Variants in PDLIM5 observed in about 807,000 individuals in gnomAD.
PDLIM5 encodes the protein PDZ and LIM domain protein 5.
A neutral mutation model predicts 64.2 loss-of-function variants in PDLIM5; 34 were observed. The ratio of observed to expected loss-of-function variants is 0.53; its 90% confidence interval spans 0.40 to 0.71. The LOEUF is 0.71. PDLIM5 is among the 30% of genes least tolerant of loss of function. The probability of loss-of-function intolerance (pLI) is 0.00; values close to 1 mark genes in which losing one functional copy is unlikely to be tolerated. For synonymous variants in PDLIM5, 253 were observed against 269.1 expected (o/e 0.94, Z 0.59); for missense variants, 683 against 733.6 (o/e 0.93, Z 0.80).
chr4:94,515,526 A>C (rs1265812456), intron 2 of PDLIM5, among the ~76,000 whole-genome samples: 1 of 152,164 alleles, frequency 6.6e-6, no homozygotes, highest in East Asian at 1.9e-4. Flanking sequence ...CTGTCGTAGA[A>C]GTATGCTGGC....
intron 8 of PDLIM5, among the ~76,000 whole-genome samples, chr4:94,639,223 G>A (rs1349858235): frequency 2.6e-5 from 4 of 152,182 alleles, no homozygotes; most frequent in African/African-American, 9.7e-5. Flanking sequence ...AGCATAAAGT[G>A]AAAGGCAAAG....
intron 9 of PDLIM5, among the ~76,000 whole-genome samples, chr4:94,646,567 A>G (rs1382717396): frequency 6.6e-6 from 1 of 152,236 alleles, no homozygotes; most frequent in African/African-American, 2.4e-5. Context: ...TCAACAACCA[A>G]ATTAATATGG....
At chr4:94,578,992 TAAAC>T (rs1426570823) in intron 5 of PDLIM5, among the ~76,000 whole-genome samples, 4 of 152,048 alleles carry the variant, frequency 2.6e-5, no homozygotes, top group Non-Finnish European at 5.9e-5. Context: ...ATAGCATTGA[TAAAC>T]AGACATAAAC....
At chr4:94,610,202 G>C (rs1341100161) in intron 7 of PDLIM5, 2 of 1,525,196 alleles carry the variant, frequency 1.3e-6, no homozygotes, top group African/African-American at 2.7e-5. Context: ...TCTTTCGAAG[G>C]TTTTCGAAAC....
At chr4:94,490,055 A>T (rs1185689981) in intron 2 of PDLIM5, among the ~76,000 whole-genome samples, 2 of 151,906 alleles carry the variant, frequency 1.3e-5, no homozygotes, top group Non-Finnish European at 2.9e-5. Flanking sequence ...TTTTAAATGA[A>T]TGTTTTTGTG....
chr4:94,592,903 C>T (rs1321220605), intron 7 of PDLIM5, among the ~76,000 whole-genome samples: 2 of 152,124 alleles, frequency 1.3e-5, no homozygotes, highest in African/African-American at 2.4e-5. Flanking sequence ...TGAGCCATTG[C>T]GTCTGGCCTA....
At chr4:94,602,189 G>A (rs950173615) in intron 7 of PDLIM5, among the ~76,000 whole-genome samples, 7 of 152,088 alleles carry the variant, frequency 4.6e-5, no homozygotes, top group South Asian at 2.1e-4. Flanking sequence ...AAAACTCGTC[G>A]TGTGGGTATG....
At chr4:94,551,648 T>C (rs1732818102) in intron 3 of PDLIM5, among the ~76,000 whole-genome samples, 1 of 152,138 alleles carries the variant, frequency 6.6e-6, no homozygotes, top group Non-Finnish European at 1.5e-5. Flanking sequence ...TTTATTCAGC[T>C]AAGTAGTATT....
intron 3 of PDLIM5, among the ~76,000 whole-genome samples, chr4:94,526,300 C>T (rs1485031317): frequency 6.6e-6 from 1 of 152,194 alleles, no homozygotes; most frequent in African/African-American, 2.4e-5. Flanking sequence ...TAATCTGCTA[C>T]TGATTCTAAT....
chr4:94,491,731 A>G (rs1327263214), intron 2 of PDLIM5, among the ~76,000 whole-genome samples: 2 of 152,128 alleles, frequency 1.3e-5, no homozygotes, highest in Non-Finnish European at 2.9e-5. Context: ...AGAAATCTTT[A>G]ACCTACTTTA....
intron 3 of PDLIM5, among the ~76,000 whole-genome samples, chr4:94,556,538 C>T (rs1366933252): frequency 6.6e-6 from 1 of 152,168 alleles, no homozygotes; most frequent in African/African-American, 2.4e-5. Flanking sequence ...TAAAAGTGTT[C>T]CTGTTTCTCC....
At chr4:94,598,364 G>A (rs11731783) in intron 7 of PDLIM5, among the ~76,000 whole-genome samples, 16,586 of 152,082 alleles carry the variant, frequency 0.11, 1,380 homozygotes, top group African/African-American at 0.23. Flanking sequence ...AGTCCTTGAC[G>A]TTAATCTCTG....
rs768186723 is a variant in PDLIM5, at chr4:94,618,017, C to G, written c.934C>G (p.Pro312Ala). ...NTKKANNSQE[P>A]SPQLASSVAS... ...TTTCCTTTACAGTAACTCTCAGGAG[C>G]CTTCTCCGCAGTTGGCTTCCTCGGT... Residue 312 changes from proline to alanine, a missense_variant, in exon 8 of 13, where the codon CCT (proline) becomes GCT (alanine). By Grantham distance (27) the Pro-to-Ala change is conservative. Coordinates refer to ENST00000317968, the MANE Select transcript of PDLIM5 (RefSeq NM_006457.5). The G allele has an allele frequency of 1.3e-6, 2 of 1,566,854 alleles. No individual in the cohort carries two copies. The highest frequency in any genetic ancestry group is 1.7e-6 in the Non-Finnish European group (2 of 1,155,474).
chr4:94,597,447 A>G (rs1004555437), intron 7 of PDLIM5, among the ~76,000 whole-genome samples: 2 of 152,176 alleles, frequency 1.3e-5, no homozygotes, highest in African/African-American at 4.8e-5. Context: ...TAAAACAATC[A>G]GATAACATCT....
In PDLIM5 at chr4:94,665,535, G is replaced by A. The variant is rs1325741041; in HGVS notation, c.*1468G>A. Reference sequence around the variant, plus strand: ...AGAGAGAGAATAAATAGAAAAGAATGTGGCTGGGAATTGTGAATCAGAAGA... The same window carrying A: ...AGAGAGAGAATAAATAGAAAAGAATATGGCTGGGAATTGTGAATCAGAAGA... On this transcript the variant is annotated 3_prime_UTR_variant, in exon 13 of 13. Transcript: ENST00000317968. 3.8e-6 allele frequency: 3 copies of A among 789,294 alleles called. No individual in the cohort carries two copies. Among genetic ancestry groups the A allele is most frequent in the Admixed American group, 6.6e-5 (1 of 15,190 alleles). The allele number at this position is 789,294 out of a possible 1,614,324, so 48.9% of individuals were successfully genotyped here.
rs532005499 is a variant in PDLIM5 at position 94,588,105 on chromosome 4, G to A, written c.920+1661G>A. 4.4e-5 allele frequency: 41 copies of A among 933,580 alleles called. No individual in the cohort carries two copies. The African/African-American group carries it at 6.6e-4, about 15-fold the overall frequency. 57.8% of individuals were successfully genotyped at this position (933,580 alleles called of 1,614,324 possible). A position where few individuals can be genotyped will look rare whatever the true frequency, so the allele number is the denominator to read the frequency against. On this transcript the variant is annotated intron_variant, in intron 7 of 12. Transcript: ENST00000317968. ...GCATTTTGAAGTTTGGAAAAGTATT[G>A]TAATAAAGTTGCCTTTAACTTAGCT...
At chr4:94,465,760 G>C (rs1021251485) in intron 2 of PDLIM5, among the ~76,000 whole-genome samples, 1 of 152,098 alleles carries the variant, frequency 6.6e-6, no homozygotes, top group African/African-American at 2.4e-5. Flanking sequence ...GAGAGGTTAA[G>C]TAACATGCCC....
chr4:94,650,647 GAATTA>G (rs564513311), intron 9 of PDLIM5, among the ~76,000 whole-genome samples: 41 of 152,244 alleles, frequency 2.7e-4, no homozygotes, highest in Non-Finnish European at 3.7e-4. Context: ...ATTATTGTGA[GAATTA>G]AATAACAAAG....
intron 2 of PDLIM5, among the ~76,000 whole-genome samples, chr4:94,504,790 T>A (rs896832782): frequency 2.6e-5 from 4 of 152,220 alleles, no homozygotes; most frequent in African/African-American, 9.6e-5. Flanking sequence ...TTACTTTGCA[T>A]TGAAGACTGT....
Sources: allele counts gnomAD v4.1 joint callset (sites outside exome capture counted in the v4.1 genomes callset), GRCh38; gene constraint gnomAD v4.1.1; transcripts MANE v1.5; gene names NCBI Gene and HGNC (gene_info 2026-07-23, HGNC 2026-07-21).